The following NFATC2 variants were observed in gnomAD, a reference collection of about 807,000 sequenced individuals.
NFATC2 encodes nuclear factor of activated T cells 2, also known as nuclear factor of activated T-cells, cytoplasmic 2.
Under a neutral mutation model 87.3 loss-of-function variants are expected in NFATC2, and 22 were observed. The observed-to-expected ratio is 0.25, with a 90% CI of 0.18 to 0.36. The LOEUF (loss-of-function observed/expected upper bound fraction) is 0.36. Ranked by LOEUF, NFATC2 falls within the 10% of genes least tolerant of loss-of-function variation. The pLI is 1.00. For missense variants in NFATC2, 1,149 were observed against 1,259.1 expected (o/e 0.91, Z 1.32); for synonymous variants, 565 against 542.2 (o/e 1.04, Z -0.58).
chr20:51,497,136 C>T (rs1343508586), intron 3 of NFATC2, among the ~76,000 whole-genome samples: 1 of 152,188 alleles, frequency 6.6e-6, no homozygotes, highest in East Asian at 1.9e-4. Context: ...ACCCAGGTTA[C>T]TAACAAGTCC....
In NFATC2 at chr20:51,481,292, C is replaced by G. The variant is rs1225691347; in HGVS notation, c.1333-5632G>C. ...CATGATCTACCCTTCAGGTTCCAAA[C>G]TCCCCACCATCCCCATTTTCGGGAG... On this transcript the variant is annotated intron_variant, in intron 3 of 10. Transcript: ENST00000371564. Among the ~76,000 whole-genome samples, 6 of 152,084 alleles carry G rather than the reference C, an allele frequency of 3.9e-5. No homozygotes were observed. The East Asian group carries it at 1.2e-3, about 29-fold the overall frequency.
intron 3 of NFATC2, among the ~76,000 whole-genome samples, chr20:51,485,783 T>C (rs575904718): frequency 5.0e-4 from 76 of 152,316 alleles, no homozygotes; most frequent in African/African-American, 1.6e-3. Context: ...CAGGAACAAG[T>C]GGGCTGTGTA....
chr20:51,456,760 G>A (rs761824443), intron 5 of NFATC2, among the ~76,000 whole-genome samples: 4 of 152,212 alleles, frequency 2.6e-5, no homozygotes, highest in Admixed American at 6.5e-5. Flanking sequence ...GGCAGCAACC[G>A]CGTGAGGCCC....
At chr20:51,546,236 T>C (rs577000835), upstream of NFATC2, among the ~76,000 whole-genome samples, 1 of 152,334 alleles carries the variant, frequency 6.6e-6, no homozygotes, top group East Asian at 1.9e-4. Context: ...TCTGGACTAT[T>C]GTAGTCAGAG....
At chr20:51,425,082 G>T (rs1351307736) in intron 9 of NFATC2, among the ~76,000 whole-genome samples, 1 of 152,112 alleles carries the variant, frequency 6.6e-6, no homozygotes, top group Non-Finnish European at 1.5e-5. Context: ...CCTGGCTGGG[G>T]GTGGGGGGTT....
At chr20:51,460,470 C>T (rs1987020893) in intron 5 of NFATC2, among the ~76,000 whole-genome samples, 1 of 152,140 alleles carries the variant, frequency 6.6e-6, no homozygotes, top group South Asian at 2.1e-4. Flanking sequence ...GCAAGGTTAG[C>T]AACACTAAAA....
At chr20:51,476,471 A>G (rs928937241) in intron 3 of NFATC2, among the ~76,000 whole-genome samples, 5 of 152,178 alleles carry the variant, frequency 3.3e-5, no homozygotes, top group Non-Finnish European at 7.3e-5. Flanking sequence ...GTGAGTAAGT[A>G]AAAGATTCCC....
At chr20:51,556,414 T>C (rs1487434380) in intron 1 of NFATC2, among the ~76,000 whole-genome samples, 1 of 152,176 alleles carries the variant, frequency 6.6e-6, no homozygotes. Context: ...GCCTTTAGAC[T>C]TCCTTTGGTC....
intron 3 of NFATC2, among the ~76,000 whole-genome samples, chr20:51,489,112 C>T (rs1430698508): frequency 2.6e-5 from 4 of 152,238 alleles, no homozygotes; most frequent in African/African-American, 9.6e-5. Context: ...ATCGCTTGAA[C>T]CCAGGAGGCA....
chr20:51,510,819 G>C (rs1187382818), intron 3 of NFATC2, among the ~76,000 whole-genome samples: 4 of 152,090 alleles, frequency 2.6e-5, no homozygotes, highest in Non-Finnish European at 5.9e-5. Flanking sequence ...AAACTACCTC[G>C]ATCCGGCTGT....
In NFATC2 at chr20:51,391,272, C is replaced by T. The variant is rs1172005376; in HGVS notation, c.*224G>A. On this transcript the variant is annotated 3_prime_UTR_variant, in exon 11 of 11. Transcript: ENST00000371564. ...CCTTAAGTGAGAGTCCGCTTAGTGC[C>T]CATACATTGATCCGCGTGTGGACTC... 3.1e-6 allele frequency: 3 copies of T among 972,610 alleles called. No individual in the cohort carries two copies. Among genetic ancestry groups the T allele is most frequent in the African/African-American group, 1.6e-5 (1 of 62,150 alleles). 60.2% of individuals were successfully genotyped at this position (972,610 alleles called of 1,614,324 possible). A position where few individuals can be genotyped will look rare whatever the true frequency, so the allele number is the denominator to read the frequency against.
upstream of NFATC2, among the ~76,000 whole-genome samples, chr20:51,544,266 T>G (rs913374536): frequency 6.6e-6 from 1 of 151,930 alleles, no homozygotes; most frequent in African/African-American, 2.4e-5. Context: ...GGATTACAGG[T>G]GTGAGCCACC....
rs1222151847 is a variant in NFATC2 at position 51,524,907 on chromosome 20, G to A, written c.131-797C>T. Among the ~76,000 whole-genome samples, 1 of 152,136 alleles carries A rather than the reference G, an allele frequency of 6.6e-6. No individual in the cohort carries two copies. The highest frequency in any genetic ancestry group is 1.5e-5 in the Non-Finnish European group (1 of 68,034). On this transcript the variant is annotated intron_variant, in intron 1 of 10. Coordinates refer to ENST00000371564, the MANE Select transcript of NFATC2 (RefSeq NM_012340.5). This position sits in a 1 kb window ranked among gnomAD's most constrained non-coding sequence, Gnocchi z 4.0. ...AGGGTCACTGCTACAGAGGTTACCT[G>A]ACACCCAAACTATTAGACCCAATGG...
At chr20:51,401,180 G>A (rs932632500) in intron 9 of NFATC2, among the ~76,000 whole-genome samples, 2 of 152,076 alleles carry the variant, frequency 1.3e-5, no homozygotes, top group African/African-American at 4.8e-5. Context: ...GACCAGCCCG[G>A]CCAATATGGT....
chr20:51,412,073 G>T (rs1196628157), intron 9 of NFATC2, among the ~76,000 whole-genome samples: 1 of 152,124 alleles, frequency 6.6e-6, no homozygotes, highest in Non-Finnish European at 1.5e-5. Flanking sequence ...CACCCAGCAG[G>T]AATTTACTTA....
At chr20:51,537,332 G>A (rs939044156) in intron 1 of NFATC2, among the ~76,000 whole-genome samples, 9 of 151,922 alleles carry the variant, frequency 5.9e-5, no homozygotes, top group East Asian at 3.9e-4. Context: ...CACACGCATC[G>A]TGTGTGTGTC....
intron 1 of NFATC2, among the ~76,000 whole-genome samples, chr20:51,525,086 G>A (rs1048085997): frequency 1.8e-4 from 27 of 152,144 alleles, no homozygotes; most frequent in Admixed American, 1.3e-3. Context: ...CAGGCGTGGT[G>A]GCACAGGCCT....
At chr20:51,545,207 A>G (rs765917864), upstream of NFATC2, among the ~76,000 whole-genome samples, 2 of 152,136 alleles carry the variant, frequency 1.3e-5, no homozygotes, top group Non-Finnish European at 2.9e-5. Flanking sequence ...GCCTCCCCAC[A>G]TCCTTTCTCG....
chr20:51,511,535 T>C (rs1315000107), intron 3 of NFATC2, among the ~76,000 whole-genome samples: 1 of 152,250 alleles, frequency 6.6e-6, no homozygotes, highest in Non-Finnish European at 1.5e-5. Flanking sequence ...GTACCTTCTA[T>C]GCCCCAAAGA....
Sources: allele counts gnomAD v4.1 joint callset (sites outside exome capture counted in the v4.1 genomes callset), GRCh38; gene constraint gnomAD v4.1.1; non-coding constraint Gnocchi (gnomAD v3.1); transcripts MANE v1.5; gene names NCBI Gene and HGNC (gene_info 2026-07-23, HGNC 2026-07-21).